Variants in SNRPN observed in about 807,000 individuals in gnomAD.
The protein encoded by SNRPN is small nuclear ribonucleoprotein polypeptide N.
A neutral mutation model predicts 25.2 loss-of-function variants in SNRPN; 7 were observed. The ratio of observed to expected loss-of-function variants is 0.28; its 90% CI spans 0.16 to 0.52. The LOEUF (loss-of-function observed/expected upper bound fraction) is 0.52, where lower values mean the gene tolerates loss of function less well. Ranked by LOEUF, SNRPN falls within the 20% of genes least tolerant of loss-of-function variation. The probability of loss-of-function intolerance (pLI) is 0.96; values close to 1 mark genes in which losing one functional copy is unlikely to be tolerated. For synonymous variants in SNRPN, 124 were observed against 110.6 expected (o/e 1.12, Z -0.76); for missense variants, 196 against 322.5 (o/e 0.61, Z 3.00).
intron 6 of SNRPN, 33 bp downstream of exon 6, chr15:24,976,449 AT>A (rs760484715): frequency 7.4e-7 from 1 of 1,360,256 alleles, no homozygotes; most frequent in South Asian, 1.2e-5. Flanking sequence ...CAGAACTTTA[AT>A]TTGCAGGGAC....
intron 3 of SNRPN, among the ~76,000 whole-genome samples, chr15:24,947,879 A>G (rs1160975758): frequency 6.6e-6 from 1 of 151,998 alleles, no homozygotes; most frequent in Admixed American, 6.6e-5. Context: ...ATGGGTCTCA[A>G]TCTACCACTC....
intron 1 of SNRPN, chr15:24,823,994 C>T (rs930961429): frequency 1.3e-5 from 2 of 151,972 alleles, no homozygotes. Flanking sequence ...AATCATTTTT[C>T]GAAATACATA....
upstream of SNRPN, among the ~76,000 whole-genome samples, chr15:24,952,558 G>A (rs560711176): frequency 6.6e-6 from 1 of 152,184 alleles, no homozygotes; most frequent in Admixed American, 6.5e-5. Flanking sequence ...TTTCTGTAAA[G>A]CCCAGGACAC....
At chr15:24,923,518 A>G (rs1024882612) in intron 3 of SNRPN, among the ~76,000 whole-genome samples, 3 of 152,234 alleles carry the variant, frequency 2.0e-5, no homozygotes, top group Non-Finnish European at 4.4e-5. Context: ...ATGAAAAGAC[A>G]TGTATTTAAA....
Position 24,826,463 on chromosome 15 carries a change from T to G in SNRPN, c.-687+2613T>G, listed in dbSNP as rs75602542. Among the ~76,000 whole-genome samples the G allele has an allele frequency of 9.2e-3, 1,402 of 152,228 alleles. 40 individuals carry two copies. Among genetic ancestry groups the G allele is most frequent in the African/African-American group, 0.032 (1,323 of 41,486 alleles). On this transcript the variant is annotated intron_variant, in intron 1 of 12. Coordinates refer to the SNRPN transcript ENST00000400100. ...TGTACTGTGTCTTGCCAACCATCAT[T>G]CCACGTAATTTACCCATTCTTGGTT...
chr15:24,912,243 G>A (rs2059262852), intron 2 of SNRPN: 1 of 152,114 alleles, frequency 6.6e-6, no homozygotes. Context: ...TCAGCCTCCT[G>A]AATAGCTAAG....
intron 2 of SNRPN, among the ~76,000 whole-genome samples, chr15:24,905,081 C>T (rs1370914737): frequency 1.3e-5 from 2 of 148,672 alleles, no homozygotes; most frequent in Admixed American, 6.8e-5. Context: ...CCACTGCACT[C>T]CAGGCTGGGT....
At chr15:24,843,471 A>G (rs1400680354) in intron 2 of SNRPN, among the ~76,000 whole-genome samples, 3 of 152,070 alleles carry the variant, frequency 2.0e-5, no homozygotes, top group Admixed American at 1.3e-4. Flanking sequence ...AACATAGTGA[A>G]ACCCCATCTC....
chr15:24,864,704 T>G (rs781114067), intron 1 of SNRPN, among the ~76,000 whole-genome samples: 2 of 152,030 alleles, frequency 1.3e-5, no homozygotes, highest in African/African-American at 2.4e-5. Flanking sequence ...CTATGCTCCC[T>G]CACTGCATTC....
At chr15:24,845,715 A>T (rs1240539644) in intron 2 of SNRPN, among the ~76,000 whole-genome samples, 1 of 152,150 alleles carries the variant, frequency 6.6e-6, no homozygotes, top group East Asian at 1.9e-4. Flanking sequence ...TAAATTTTGG[A>T]ATCTACTTCT....
intron 1 of SNRPN, among the ~76,000 whole-genome samples, chr15:24,872,871 CAAA>C (rs202062268): frequency 0.018 from 1,065 of 59,276 alleles, 42 homozygotes; most frequent in African/African-American, 0.057. Flanking sequence ...GACTCCGTCT[CAAA>C]AAAAAAAAAA....
chr15:24,925,877 A>G (rs1472525192), intron 3 of SNRPN, among the ~76,000 whole-genome samples: 2 of 151,848 alleles, frequency 1.3e-5, no homozygotes, highest in African/African-American at 2.4e-5. Context: ...GAGTAGCGGT[A>G]GCGCCCGCAA....
rs1372526460 is a variant in SNRPN, at chr15:24,909,945, T to C, written c.-504-10066T>C. ...GTGGGTACCTGGAACAAGGTATCTG[T>C]GTAAAATGCTTTTATTATTCAACCA... On this transcript the variant is annotated intron_variant, in intron 2 of 11. Coordinates refer to the SNRPN transcript ENST00000400097. 3 of 498,640 alleles carry C rather than the reference T, an allele frequency of 6.0e-6. No homozygotes were observed. In the Admixed American group the frequency reaches 1.0e-4, roughly 17 times the overall value. 30.9% of individuals were successfully genotyped at this position (498,640 alleles called of 1,614,324 possible). A position where few individuals can be genotyped will look rare whatever the true frequency, so the allele number is the denominator to read the frequency against.
At chr15:24,966,351 C>T (rs2075635049) in intron 2 of SNRPN, among the ~76,000 whole-genome samples, 1 of 152,160 alleles carries the variant, frequency 6.6e-6, no homozygotes, top group South Asian at 2.1e-4. Flanking sequence ...CCACACAAAT[C>T]TTCCCTGTCC....
At chr15:24,903,261 C>A (rs972180795) in intron 2 of SNRPN, among the ~76,000 whole-genome samples, 1 of 152,172 alleles carries the variant, frequency 6.6e-6, no homozygotes, top group African/African-American at 2.4e-5. Flanking sequence ...TGTTTAGATA[C>A]ATTCATTAGC....
intron 2 of SNRPN, among the ~76,000 whole-genome samples, chr15:24,834,306 A>G (rs994917808): frequency 1.3e-5 from 2 of 152,022 alleles, no homozygotes; most frequent in Non-Finnish European, 2.9e-5. Context: ...CTCTTCCTGG[A>G]CTTGGGAGTG....
At chr15:24,832,876 G>A (rs1181095476) in intron 2 of SNRPN, among the ~76,000 whole-genome samples, 2 of 151,928 alleles carry the variant, frequency 1.3e-5, no homozygotes, top group East Asian at 1.9e-4. Flanking sequence ...GGAGGCCGAG[G>A]CGGGCGGACC....
chr15:24,909,576 G>A (rs1040733465), intron 2 of SNRPN: 1 of 1,336,722 alleles, frequency 7.5e-7, no homozygotes, highest in Admixed American at 1.7e-5. Flanking sequence ...TATTTTGGCA[G>A]TTCGTGTGCA....
At position 24,929,248 on chromosome 15, in the gene SNRPN, C is replaced by G. The variant is rs1371525751; in HGVS notation, c.-391+9124C>G. On this transcript the variant is annotated intron_variant, in intron 3 of 11. Coordinates refer to the SNRPN transcript ENST00000400097. This position sits in a 1 kb window ranked among gnomAD's most constrained non-coding sequence, Gnocchi z 5.3. ...TCCCAATCTACACCGCAGGGTTTTT[C>G]CTTGCCTTCCTATTTGTAGAGCTTC... Among the ~76,000 whole-genome samples the G allele has an allele frequency of 6.6e-6, 1 of 151,960 alleles. No individual in the cohort carries two copies. The highest frequency in any genetic ancestry group is 1.5e-5 in the Non-Finnish European group (1 of 67,988).
Sources: allele counts gnomAD v4.1 joint callset (sites outside exome capture counted in the v4.1 genomes callset), GRCh38; gene constraint gnomAD v4.1.1; non-coding constraint Gnocchi (gnomAD v3.1); transcripts MANE v1.5; gene names NCBI Gene and HGNC (gene_info 2026-07-23, HGNC 2026-07-21).